The following NRG2 variants were observed in gnomAD, a reference collection of about 807,000 sequenced individuals.
NRG2 encodes pro-neuregulin-2, membrane-bound isoform.
NRG2 carries 27 observed loss-of-function variants against 73.9 expected under a neutral mutation model. The ratio of observed to expected loss-of-function variants is 0.37; its 90% CI spans 0.27 to 0.50. NRG2 has a LOEUF of 0.50. Ranked by LOEUF, NRG2 falls within the 20% of genes least tolerant of loss-of-function variation. The pLI is 0.96. For synonymous variants in NRG2, 532 were observed against 541.0 expected (o/e 0.98, Z 0.23); for missense variants, 1,126 against 1,210.1 (o/e 0.93, Z 1.03).
Position 140,042,519 on chromosome 5 carries a change from G to A in NRG2, c.551C>T (p.Ser184Phe), listed in dbSNP as rs746514812. 20 of 1,613,402 alleles carry A rather than the reference G, an allele frequency of 1.2e-5. No individual in the cohort carries two copies. The Middle Eastern group carries it at 1.7e-3, about 134-fold the overall frequency. The change falls in exon 1 of 10, where the codon TCC becomes TTC. Residue 184 changes from serine (S) to phenylalanine (F), a missense_variant. By Grantham distance (155) the Ser-to-Phe change is radical (BLOSUM62 -2). Coordinates refer to ENST00000361474, the MANE Select transcript of NRG2 (RefSeq NM_004883.3). The part of the protein sequence containing the change: ...LQREQVISVG[S>F]CVPLERNQRY... ...CTGGTTCCTTTCGAGCGGCACACAG[G>A]AGCCCACGCTGATCACCTGCTCGCG... is the stretch of plus-strand genomic sequence containing the variant.
Position 139,851,152 on chromosome 5 carries a change from A to G in NRG2, c.1772+452T>C, listed in dbSNP as rs541386903. Among the ~76,000 whole-genome samples, 4 of 151,810 alleles carry G rather than the reference A, an allele frequency of 2.6e-5. No individual in the cohort carries two copies. The South Asian group carries it at 8.4e-4, about 32-fold the overall frequency. Reference sequence around the variant, plus strand: ...CAGGCATGTGCCACCATGCCTGGCTAATTTTTGTATTTTTAGTAAAGATGG... The same window carrying G: ...CAGGCATGTGCCACCATGCCTGGCTGATTTTTGTATTTTTAGTAAAGATGG... On this transcript the variant is annotated intron_variant, in intron 9 of 9. Coordinates refer to ENST00000361474, the MANE Select transcript of NRG2 (RefSeq NM_004883.3). The surrounding 1 kb of genome is among the most constrained non-coding windows in gnomAD (Gnocchi z 4.2).
chr5:139,873,750 T>C (rs987670073), intron 3 of NRG2, among the ~76,000 whole-genome samples: 2 of 152,242 alleles, frequency 1.3e-5, no homozygotes, highest in Admixed American at 6.5e-5. Flanking sequence ...CTGTGCCCAT[T>C]GTTTCACCCC....
In NRG2 at chr5:139,887,504, C is replaced by T; in HGVS notation, c.708G>A (p.Arg236=). 1 of 1,613,908 alleles carries T rather than the reference C, an allele frequency of 6.2e-7. No individual in the cohort carries two copies. Among genetic ancestry groups the T allele is most frequent in the Non-Finnish European group, 8.5e-7 (1 of 1,179,942 alleles). The change falls in exon 2 of 10, where the codon CGG becomes CGA. Residue 236 remains arginine, a synonymous_variant. Coordinates refer to ENST00000361474, the MANE Select transcript of NRG2 (RefSeq NM_004883.3). This position sits in a 1 kb window ranked among gnomAD's most constrained non-coding sequence, Gnocchi z 4.5. The part of the protein sequence containing the change: ...GKILCTDCAT[R]PKLKKMKSQT... ...GGCTCTTCATCTTCTTCAACTTGGG[C>T]CGGGTGGCTGTGGGTTACAAGGCAG...
intron 3 of NRG2, among the ~76,000 whole-genome samples, chr5:139,874,159 G>A (rs1295640599): frequency 2.0e-5 from 3 of 152,216 alleles, no homozygotes; most frequent in South Asian, 2.1e-4. Flanking sequence ...CTGCGCTCAC[G>A]CTGTAGCGCA....
At chr5:139,905,887 C>T (rs1239389626) in intron 1 of NRG2, among the ~76,000 whole-genome samples, 1 of 148,030 alleles carries the variant, frequency 6.8e-6, no homozygotes, top group African/African-American at 2.5e-5. Flanking sequence ...TCCATCCCTC[C>T]TCAGCCTTTG....
intron 1 of NRG2, among the ~76,000 whole-genome samples, chr5:139,901,518 C>T (rs908638887): frequency 1.3e-5 from 2 of 152,154 alleles, no homozygotes; most frequent in African/African-American, 2.4e-5. Context: ...TGGTCCTGGA[C>T]AGCCTAAAGA....
chr5:139,848,430 G>A lies in NRG2; in HGVS notation c.2040C>T (p.Pro680=), dbSNP rs1761165406. Residue 680 remains proline, a synonymous_variant, in exon 10 of 10, where the codon CCC becomes CCT. Transcript: ENST00000361474. ...MQRSYDSYYY[P]AAGPGPRRGT... ...CGCGCCGCGGTCCGGGCCCCGCCGCGGGGTAATAGTAGCTGTCATAGCTGC... is the reference window on the plus strand; with the variant it reads ...CGCGCCGCGGTCCGGGCCCCGCCGCAGGGTAATAGTAGCTGTCATAGCTGC... 1.6e-6 allele frequency: 2 copies of A among 1,286,448 alleles called. No homozygotes were observed. The highest frequency in any genetic ancestry group is 3.1e-5 in the African/African-American group (2 of 63,712). The allele number at this position is 1,286,448 out of a possible 1,614,324, so 79.7% of individuals were successfully genotyped here.
At chr5:140,026,644 AAG>A (rs1760712929) in intron 1 of NRG2, among the ~76,000 whole-genome samples, 2 of 152,306 alleles carry the variant, frequency 1.3e-5, no homozygotes, top group Admixed American at 6.5e-5. Context: ...AAAAGAAAGA[AAG>A]AAAATAAAAG....
At position 139,847,852 on chromosome 5, in the gene NRG2, T is replaced by C. The variant is rs1761088227; in HGVS notation, c.*65A>G. ...TTCTTTTTTCCTCCTTTCTCTCCAG[T>C]AGGCGGTCTCTGGTCTCCTTAAAGA... On this transcript the variant is annotated 3_prime_UTR_variant, in exon 10 of 10. Coordinates refer to ENST00000361474, the MANE Select transcript of NRG2 (RefSeq NM_004883.3). The C allele has an allele frequency of 5.4e-6, 5 of 929,826 alleles. No individual in the cohort carries two copies. The highest frequency in any genetic ancestry group is 7.2e-6 in the Non-Finnish European group (5 of 692,564). 57.6% of individuals were successfully genotyped at this position (929,826 alleles called of 1,614,324 possible).
intron 1 of NRG2, among the ~76,000 whole-genome samples, chr5:140,026,328 T>C (rs113148437): frequency 6.6e-6 from 1 of 152,194 alleles, no homozygotes; most frequent in Non-Finnish European, 1.5e-5. Context: ...TGGGAAGAGA[T>C]AATTACTCTG....
intron 1 of NRG2, among the ~76,000 whole-genome samples, chr5:140,014,565 T>C (rs1039430457): frequency 6.6e-6 from 1 of 152,138 alleles, no homozygotes; most frequent in Non-Finnish European, 1.5e-5. Context: ...CCTCCTTTTC[T>C]GTCTCACTCT....
chr5:139,968,657 C>T (rs1473099766), intron 1 of NRG2, among the ~76,000 whole-genome samples: 1 of 152,170 alleles, frequency 6.6e-6, no homozygotes, highest in African/African-American at 2.4e-5. Flanking sequence ...CTCCGTTCGG[C>T]GGCCTTTCAC....
At chr5:139,933,156 TC>T (rs1279692814) in intron 1 of NRG2, among the ~76,000 whole-genome samples, 7 of 152,092 alleles carry the variant, frequency 4.6e-5, no homozygotes, top group Admixed American at 1.3e-4. Flanking sequence ...CTGCCTGTAA[TC>T]CCAGCTATTT....
At chr5:139,911,111 C>A (rs986568517) in intron 1 of NRG2, among the ~76,000 whole-genome samples, 1 of 151,784 alleles carries the variant, frequency 6.6e-6, no homozygotes, top group Non-Finnish European at 1.5e-5. Flanking sequence ...GGGAGCAGGA[C>A]GGGGAGAGGA....
intron 1 of NRG2, among the ~76,000 whole-genome samples, chr5:140,038,299 C>T (rs938109163): frequency 1.3e-5 from 2 of 152,108 alleles, no homozygotes; most frequent in African/African-American, 4.8e-5. Flanking sequence ...TTAATTCAAA[C>T]CGACGGTTGT....
At chr5:139,872,269 T>C (rs994439828) in intron 3 of NRG2, among the ~76,000 whole-genome samples, 1 of 152,160 alleles carries the variant, frequency 6.6e-6, no homozygotes, top group Non-Finnish European at 1.5e-5. Flanking sequence ...AAGAGACACC[T>C]ACACCCGCCT....
At chr5:139,893,417 G>T (rs1321702021) in intron 1 of NRG2, among the ~76,000 whole-genome samples, 2 of 152,226 alleles carry the variant, frequency 1.3e-5, no homozygotes, top group African/African-American at 4.8e-5. Flanking sequence ...GCACACAGAA[G>T]AGTGGACAGA....
intron 1 of NRG2, among the ~76,000 whole-genome samples, chr5:140,039,250 ATAT>A (rs1761735479): frequency 6.6e-6 from 1 of 152,214 alleles, no homozygotes; most frequent in Non-Finnish European, 1.5e-5. Context: ...ATACCAAAAT[ATAT>A]GCAACCATCT....
intron 1 of NRG2, among the ~76,000 whole-genome samples, chr5:140,037,961 A>C (rs1009916056): frequency 3.3e-5 from 5 of 151,766 alleles, no homozygotes; most frequent in African/African-American, 1.2e-4. Flanking sequence ...TTTTAGAGAA[A>C]CACACACTTC....
Sources: allele counts gnomAD v4.1 joint callset (sites outside exome capture counted in the v4.1 genomes callset), GRCh38; gene constraint gnomAD v4.1.1; non-coding constraint Gnocchi (gnomAD v3.1); transcripts MANE v1.5; gene names NCBI Gene and HGNC (gene_info 2026-07-23, HGNC 2026-07-21).